NPAS3: variants seen among roughly 807,000 people sequenced by gnomAD.
NPAS3 encodes neuronal PAS domain protein 3, also known as neuronal PAS domain-containing protein 3.
In NPAS3, 14 loss-of-function variants were observed where a neutral mutation model predicts 73.1. The observed-to-expected ratio is 0.19, with a 90% CI of 0.13 to 0.30. NPAS3 has a LOEUF of 0.30. Among genes scored for constraint, NPAS3 ranks in the 10% least tolerant of loss-of-function variants. NPAS3 has a pLI of 1.00. For missense variants in NPAS3, 1,096 were observed against 1,250.0 expected (o/e 0.88, Z 1.86); for synonymous variants, 620 against 541.5 (o/e 1.14, Z -2.01).
chr14:33,735,543 A>G (rs1023201960), intron 7 of NPAS3, among the ~76,000 whole-genome samples: 8 of 152,124 alleles, frequency 5.3e-5, no homozygotes, highest in Non-Finnish European at 8.8e-5. Context: ...AAAAACCCCA[A>G]TATAGTGTCT....
intron 4 of NPAS3, among the ~76,000 whole-genome samples, chr14:33,422,052 G>A (rs2048378737): frequency 6.6e-6 from 1 of 151,954 alleles, no homozygotes; most frequent in South Asian, 2.1e-4. Flanking sequence ...TGAACTTTCT[G>A]ATAGTTGTCC....
intron 9 of NPAS3, among the ~76,000 whole-genome samples, chr14:33,790,414 C>T (rs1319943556): frequency 6.6e-6 from 1 of 152,188 alleles, no homozygotes; most frequent in Non-Finnish European, 1.5e-5. Context: ...TAATTTATTA[C>T]ACACTAAAAA....
At chr14:33,097,670 A>G (rs974134683) in intron 2 of NPAS3, among the ~76,000 whole-genome samples, 3 of 152,210 alleles carry the variant, frequency 2.0e-5, no homozygotes, top group Admixed American at 6.5e-5. Flanking sequence ...ATCTTTGCCA[A>G]GATCTGTTTT....
At chr14:33,786,787 T>C (rs553830383) in intron 9 of NPAS3, among the ~76,000 whole-genome samples, 1 of 152,346 alleles carries the variant, frequency 6.6e-6, no homozygotes, top group South Asian at 2.1e-4. Context: ...TTGAGTTTCA[T>C]TGCCCAGTGT....
At chr14:33,056,760 T>G (rs1329305316) in intron 2 of NPAS3, among the ~76,000 whole-genome samples, 1 of 152,220 alleles carries the variant, frequency 6.6e-6, no homozygotes, top group Non-Finnish European at 1.5e-5. Context: ...AAGATGAAAT[T>G]TATGCTTTCC....
intron 4 of NPAS3, among the ~76,000 whole-genome samples, chr14:33,412,041 A>C (rs1218041186): frequency 6.6e-6 from 1 of 152,214 alleles, no homozygotes; most frequent in Non-Finnish European, 1.5e-5. Flanking sequence ...ATGTGTCTGC[A>C]TAGCTTTGCA....
Position 33,668,751 on chromosome 14 carries a change from G to C in NPAS3, c.559-7460G>C, listed in dbSNP as rs377166875. Among the ~76,000 whole-genome samples the C allele has an allele frequency of 9.9e-5, 15 of 152,272 alleles. No homozygotes were observed. In the East Asian group the frequency reaches 2.9e-3, roughly 29 times the overall value. Reference sequence around the variant, plus strand: ...GGAGGATCGCTTGAGCCCAGGAGGCGGAGGTTGCAGAGAGCTGAGATCATG... The same window carrying C: ...GGAGGATCGCTTGAGCCCAGGAGGCCGAGGTTGCAGAGAGCTGAGATCATG... On this transcript the variant is annotated intron_variant, in intron 5 of 11. Coordinates refer to ENST00000356141, the Ensembl canonical transcript of NPAS3.
intron 9 of NPAS3, chr14:33,780,788 C>A (rs2062955825): frequency 2.8e-6 from 1 of 362,640 alleles, no homozygotes; most frequent in African/African-American, 2.2e-5. Context: ...TGAAAATAAA[C>A]CACTCCACCA....
At chr14:33,226,761 A>G (rs2047650366) in intron 3 of NPAS3, among the ~76,000 whole-genome samples, 1 of 152,194 alleles carries the variant, frequency 6.6e-6, no homozygotes, top group South Asian at 2.1e-4. Context: ...GTTCATAGGA[A>G]TAACTTCCCA....
chr14:33,695,377 G>A (rs745990959), intron 6 of NPAS3, among the ~76,000 whole-genome samples: 1 of 152,116 alleles, frequency 6.6e-6, no homozygotes, highest in Non-Finnish European at 1.5e-5. Context: ...GTTTCCCAAA[G>A]TGAAAATAAT....
chr14:33,634,436 GA>G (rs751889109), intron 5 of NPAS3, among the ~76,000 whole-genome samples: 1 of 152,212 alleles, frequency 6.6e-6, no homozygotes, highest in Non-Finnish European at 1.5e-5. Flanking sequence ...TTATTTCTGA[GA>G]GCGATGTGGA....
intron 5 of NPAS3, among the ~76,000 whole-genome samples, chr14:33,656,549 A>G (rs1220950004): frequency 6.6e-6 from 1 of 152,188 alleles, no homozygotes; most frequent in South Asian, 2.1e-4. Context: ...CTGGAATGTG[A>G]CACAGACTGA....
chr14:33,543,026 C>T (rs771864655), intron 4 of NPAS3, among the ~76,000 whole-genome samples: 6 of 152,248 alleles, frequency 3.9e-5, no homozygotes, highest in African/African-American at 7.2e-5. Context: ...GACATGCCCT[C>T]CTGTCCCCAT....
At position 33,034,889 on chromosome 14, in the gene NPAS3, A is replaced by C. The variant is rs549896613; in HGVS notation, c.51-21016A>C. ...GACACTTTACTCCTTGTCTTTGAAC[A>C]TAGCAATTCTGGTTCTTTGGAAAAG... On this transcript the variant is annotated intron_variant, in intron 1 of 11. Coordinates refer to ENST00000356141, the Ensembl canonical transcript of NPAS3. 9.9e-4 allele frequency among the ~76,000 whole-genome samples: 151 copies of C among 152,306 alleles called. 1 individual carries two copies. Among genetic ancestry groups the C allele is most frequent in the South Asian group, 3.1e-3 (15 of 4,828 alleles).
At chr14:33,388,643 A>G (rs1052108628) in intron 4 of NPAS3, among the ~76,000 whole-genome samples, 1 of 152,066 alleles carries the variant, frequency 6.6e-6, no homozygotes, top group Non-Finnish European at 1.5e-5. Context: ...TGCAATGGAG[A>G]AGGAGCTGAG....
chr14:32,936,880 TG>T (rs1356301854), upstream of NPAS3, among the ~76,000 whole-genome samples: 2 of 151,392 alleles, frequency 1.3e-5, no homozygotes, highest in Non-Finnish European at 2.9e-5. Flanking sequence ...ACTTTGAATT[TG>T]GGCACCTTAT....
chr14:33,628,568 A>G (rs1045466773), intron 5 of NPAS3, among the ~76,000 whole-genome samples: 2 of 152,216 alleles, frequency 1.3e-5, no homozygotes, highest in African/African-American at 4.8e-5. Flanking sequence ...TGCTCCGTCC[A>G]TTAGTTGCAT....
intron 1 of NPAS3, among the ~76,000 whole-genome samples, chr14:33,023,961 T>C (rs928959803): frequency 1.3e-5 from 2 of 152,172 alleles, no homozygotes; most frequent in African/African-American, 4.8e-5. Context: ...AAAAAGATAC[T>C]GATGTGGCCC....
chr14:33,689,606 G>T (rs1479124847), intron 6 of NPAS3, among the ~76,000 whole-genome samples: 2 of 152,010 alleles, frequency 1.3e-5, no homozygotes, highest in East Asian at 3.9e-4. Flanking sequence ...AAACACAGAC[G>T]CACAGACATA....
Sources: allele counts gnomAD v4.1 joint callset (sites outside exome capture counted in the v4.1 genomes callset), GRCh38; gene constraint gnomAD v4.1.1; transcripts MANE v1.5; gene names NCBI Gene and HGNC (gene_info 2026-07-23, HGNC 2026-07-21).